LIPC: variants seen among roughly 807,000 people sequenced by gnomAD.
LIPC encodes hepatic triacylglycerol lipase.
A neutral mutation model predicts 50.7 loss-of-function variants in LIPC; 44 were observed. The observed-to-expected ratio is 0.87, with a 90% CI of 0.68 to 1.11. LIPC has a LOEUF of 1.11. LIPC is among the 50% of genes most tolerant of loss of function. The pLI, the probability that LIPC is intolerant of heterozygous loss-of-function variation, is 0.00. For missense variants in LIPC, 697 were observed against 648.2 expected, an observed-to-expected ratio of 1.08 and a Z score of -0.82; for synonymous variants, 271 against 256.4, an observed-to-expected ratio of 1.06 and a Z score of -0.54.
At chr15:58,450,344 T>C (rs1008035490) in intron 1 of LIPC, among the ~76,000 whole-genome samples, 1 of 152,162 alleles carries the variant, frequency 6.6e-6, no homozygotes, top group African/African-American at 2.4e-5. Context: ...CCCAGGAATG[T>C]GCATTTCTAA....
intron 6 of LIPC, among the ~76,000 whole-genome samples, chr15:58,549,749 G>A (rs1474643238): frequency 2.0e-5 from 3 of 152,120 alleles, no homozygotes; most frequent in African/African-American, 4.8e-5. Flanking sequence ...TTGTGGGTGC[G>A]CACAGCATCT....
At chr15:58,564,808 G>T (rs1427505267) in intron 8 of LIPC, among the ~76,000 whole-genome samples, 3 of 152,152 alleles carry the variant, frequency 2.0e-5, no homozygotes, top group African/African-American at 7.2e-5. Flanking sequence ...AGAAAGGGCT[G>T]CCCAGCACAC....
rs988979471 is a variant in LIPC, at chr15:58,563,602, A to T, written c.1267A>T (p.Ser423Cys). The T allele has an allele frequency of 1.2e-6, 2 of 1,614,110 alleles. No individual in the cohort carries two copies. Among genetic ancestry groups the T allele is most frequent in the African/African-American group, 2.7e-5 (2 of 74,948 alleles). Residue 423 changes from serine (S) to cysteine (C), a missense_variant, in exon 8 of 9, where the codon AGT (serine) becomes TGT (cysteine). Transcript: ENST00000299022. ...LIMIKFKWEN[S>C]AVWANVWDTV... Reference sequence around the variant, plus strand: ...CATGATCAAGTTCAAGTGGGAAAACAGTGCAGTGTGGGCCAATGTCTGGGA... The same window carrying T: ...CATGATCAAGTTCAAGTGGGAAAACTGTGCAGTGTGGGCCAATGTCTGGGA...
At chr15:58,550,435 T>C (rs1273220324) in intron 6 of LIPC, among the ~76,000 whole-genome samples, 2 of 152,144 alleles carry the variant, frequency 1.3e-5, no homozygotes, top group East Asian at 1.9e-4. Flanking sequence ...CTTCTCCCAT[T>C]TGCCAACGGC....
intron 1 of LIPC, among the ~76,000 whole-genome samples, chr15:58,438,416 C>T (rs1893384488): frequency 6.6e-6 from 1 of 152,174 alleles, no homozygotes; most frequent in Non-Finnish European, 1.5e-5. Context: ...GGACAGTGAC[C>T]AGTTTCGAGT....
At chr15:58,525,705 G>C (rs1390270855) in intron 1 of LIPC, among the ~76,000 whole-genome samples, 1 of 152,210 alleles carries the variant, frequency 6.6e-6, no homozygotes, top group Non-Finnish European at 1.5e-5. Flanking sequence ...AAGATTCTCA[G>C]CACTGATCTT....
chr15:58,486,795 T>A (rs1300154183), intron 1 of LIPC, among the ~76,000 whole-genome samples: 1 of 152,200 alleles, frequency 6.6e-6, no homozygotes, highest in Non-Finnish European at 1.5e-5. Flanking sequence ...GCGTGGGGGA[T>A]AATTTAGTGG....
At position 58,432,110 on chromosome 15, in the gene LIPC, C is replaced by T. The variant is rs780267766; in HGVS notation, c.78C>T (p.Ser26=). Reference sequence around the variant, plus strand: ...TCCAATCAAGTGCCCTTGGACAAAGCCTGAAACCAGGTAAGAGCCTGACTT... The same window carrying T: ...TCCAATCAAGTGCCCTTGGACAAAGTCTGAAACCAGGTAAGAGCCTGACTT... ...IFIQSSALGQ[S]LKPEPFGRRA... is the part of the protein sequence containing the mutation. Residue 26 remains serine (S), a synonymous_variant, in exon 1 of 9, where the codon AGC becomes AGT. Transcript: ENST00000299022. The T allele has an allele frequency of 1.2e-6, 2 of 1,612,044 alleles. No individual in the cohort carries two copies. The highest frequency in any genetic ancestry group is 2.7e-5 in the African/African-American group (2 of 74,854).
intron 8 of LIPC, among the ~76,000 whole-genome samples, chr15:58,567,265 ATGTGTGTGTGTGTGTG>A (rs113085870): frequency 8.4e-6 from 1 of 118,544 alleles, no homozygotes. Flanking sequence ...ATATATGTAT[ATGTGTGTGTGTGTGTG>A]TATATATATA....
chr15:58,468,640 C>T (rs1894663656), intron 1 of LIPC, among the ~76,000 whole-genome samples: 1 of 152,050 alleles, frequency 6.6e-6, no homozygotes, highest in African/African-American at 2.4e-5. Flanking sequence ...ATAGTGACAC[C>T]ATTTAACTGT....
chr15:58,495,345 A>G (rs1258404676), intron 1 of LIPC, among the ~76,000 whole-genome samples: 1 of 152,192 alleles, frequency 6.6e-6, no homozygotes. Flanking sequence ...CCCTGCCAAA[A>G]ACAAAGCCTA....
intron 1 of LIPC, among the ~76,000 whole-genome samples, chr15:58,525,763 A>G (rs1892782668): frequency 5.3e-5 from 8 of 152,258 alleles, no homozygotes; most frequent in Admixed American, 5.2e-4. Context: ...GATAACCTCA[A>G]CATAAAGAGT....
chr15:58,507,064 T>G (rs7162786), intron 1 of LIPC, among the ~76,000 whole-genome samples: 94,265 of 151,894 alleles, frequency 0.62, 29,268 homozygotes, highest in East Asian at 0.72. Flanking sequence ...GGGAAACCAC[T>G]CCCATGATTC....
chr15:58,567,875 G>T (rs1252086343), intron 8 of LIPC, among the ~76,000 whole-genome samples: 1 of 152,154 alleles, frequency 6.6e-6, no homozygotes, highest in East Asian at 1.9e-4. Flanking sequence ...AGTGAAGGCC[G>T]ATGGTGAAGA....
At chr15:58,503,645 GGT>G (rs1187039141) in intron 1 of LIPC, among the ~76,000 whole-genome samples, 2 of 152,218 alleles carry the variant, frequency 1.3e-5, no homozygotes, top group Admixed American at 6.5e-5. Flanking sequence ...TGAAGGGCAG[GGT>G]TCCACTGGGC....
At position 58,450,522 on chromosome 15, in the gene LIPC, T is replaced by C. The variant is rs895110; in HGVS notation, c.88+18402T>C. On this transcript the variant is annotated intron_variant, in intron 1 of 8. Coordinates refer to ENST00000299022, the MANE Select transcript of LIPC (RefSeq NM_000236.3). ...AGCACCGTCTAAAGGAGAATTTTAT[T>C]AAGTTTCAGTGAACAATGTGCAATT... 9.7e-3 allele frequency among the ~76,000 whole-genome samples: 1,481 copies of C among 152,320 alleles called. 18 individuals carry two copies. Among genetic ancestry groups the C allele is most frequent in the African/African-American group, 0.034 (1,422 of 41,562 alleles).
intron 2 of LIPC, among the ~76,000 whole-genome samples, chr15:58,541,328 G>A (rs376310158): frequency 2.0e-4 from 30 of 152,036 alleles, no homozygotes; most frequent in South Asian, 6.2e-4. Flanking sequence ...CAGTGCTATG[G>A]GTTTAGGGGT....
At chr15:58,490,053 G>A (rs768745272) in intron 1 of LIPC, among the ~76,000 whole-genome samples, 1 of 152,088 alleles carries the variant, frequency 6.6e-6, no homozygotes, top group African/African-American at 2.4e-5. Context: ...TAGGTTCTTT[G>A]CAATACTTAA....
intron 1 of LIPC, among the ~76,000 whole-genome samples, chr15:58,514,132 C>T (rs1318823281): frequency 6.6e-6 from 1 of 152,208 alleles, no homozygotes; most frequent in Non-Finnish European, 1.5e-5. Context: ...TTTATCATCG[C>T]CAGCATAACT....
Sources: allele counts gnomAD v4.1 joint callset (sites outside exome capture counted in the v4.1 genomes callset), GRCh38; gene constraint gnomAD v4.1.1; transcripts MANE v1.5; gene names NCBI Gene and HGNC (gene_info 2026-07-23, HGNC 2026-07-21).